The following GRAMD1C variants were observed in gnomAD, a reference collection of about 807,000 sequenced individuals.
GRAMD1C encodes the protein GRAM domain containing 1C, also known as protein Aster-C.
A neutral mutation model predicts 97.8 loss-of-function variants in GRAMD1C; 89 were observed. That is an observed-to-expected ratio of 0.91 (90% CI 0.77 to 1.09). The LOEUF (loss-of-function observed/expected upper bound fraction) is 1.09, where lower values mean the gene tolerates loss of function less well. Among genes scored for constraint, GRAMD1C ranks in the 50% least tolerant of loss-of-function variants. GRAMD1C has a pLI of 0.00. For synonymous variants in GRAMD1C, 256 were observed against 267.0 expected, an observed-to-expected ratio of 0.96 and a Z score of 0.40; for missense variants, 740 against 766.4, an observed-to-expected ratio of 0.97 and a Z score of 0.41.
intron 3 of GRAMD1C, among the ~76,000 whole-genome samples, chr3:113,872,058 T>A (rs1003780997): frequency 6.6e-6 from 1 of 152,156 alleles, no homozygotes; most frequent in South Asian, 2.1e-4. Flanking sequence ...TCAATAAATA[T>A]CATAATGAAT....
intron 5 of GRAMD1C, among the ~76,000 whole-genome samples, chr3:113,880,294 A>G (rs953141653): frequency 2.0e-5 from 3 of 152,140 alleles, no homozygotes; most frequent in Non-Finnish European, 4.4e-5. Flanking sequence ...TCAGTTTGGT[A>G]TATATCTTTT....
At chr3:113,944,251 T>A (rs1287297107) in intron 17 of GRAMD1C, among the ~76,000 whole-genome samples, 1 of 152,196 alleles carries the variant, frequency 6.6e-6, no homozygotes, top group Non-Finnish European at 1.5e-5. Flanking sequence ...AGGGGACTAT[T>A]TAGTTCCCTG....
At chr3:113,867,634 C>G (rs925929417) in intron 2 of GRAMD1C, among the ~76,000 whole-genome samples, 1 of 152,070 alleles carries the variant, frequency 6.6e-6, no homozygotes, top group Non-Finnish European at 1.5e-5. Flanking sequence ...CAGGTCTGTT[C>G]TCTCCATTGT....
At chr3:113,870,645 G>C (rs1461425267) in intron 3 of GRAMD1C, among the ~76,000 whole-genome samples, 1 of 151,966 alleles carries the variant, frequency 6.6e-6, no homozygotes, top group African/African-American at 2.4e-5. Context: ...CAATTACTTT[G>C]ATTTGATCAT....
At chr3:113,934,572 A>G in intron 13 of GRAMD1C, 37 bp downstream of exon 13, 3 of 888,880 alleles carry the variant, frequency 3.4e-6, no homozygotes, top group Non-Finnish European at 5.4e-6. Context: ...TTTTGTAAAG[A>G]TGGGATTTAT....
intron 9 of GRAMD1C, among the ~76,000 whole-genome samples, chr3:113,911,497 C>G (rs537969125): frequency 6.6e-6 from 1 of 151,956 alleles, no homozygotes; most frequent in Admixed American, 6.6e-5. Flanking sequence ...CCTTTAGCCT[C>G]GGCCTTCCAG....
chr3:113,849,303 A>AT (rs1170238787), intron 2 of GRAMD1C, among the ~76,000 whole-genome samples: 22 of 143,344 alleles, frequency 1.5e-4, no homozygotes, highest in Admixed American at 1.1e-3. Flanking sequence ...TTATTTATTT[A>AT]TTTATTTTTT....
rs577627890 is a variant in GRAMD1C at position 113,925,290 on chromosome 3, C to T, written c.1091-5424C>T. 1.9e-3 allele frequency among the ~76,000 whole-genome samples: 286 copies of T among 152,240 alleles called. 2 individuals are homozygous for T. The highest frequency in any genetic ancestry group is 6.6e-3 in the African/African-American group (273 of 41,534). On this transcript the variant is annotated intron_variant, in intron 10 of 17. Transcript: ENST00000358160. ...AGATCACAAGGTCAGGAGATCGAGACCATCCTGGCTAACATGGTGAAAACG... is the reference window on the plus strand; with the variant it reads ...AGATCACAAGGTCAGGAGATCGAGATCATCCTGGCTAACATGGTGAAAACG...
chr3:113,866,698 C>T (rs1360264531), intron 2 of GRAMD1C, among the ~76,000 whole-genome samples: 1 of 152,044 alleles, frequency 6.6e-6, no homozygotes, highest in Admixed American at 6.6e-5. Context: ...TTAGTGATTG[C>T]TCAAGAGAGT....
At chr3:113,927,868 G>T (rs115716192) in intron 10 of GRAMD1C, among the ~76,000 whole-genome samples, 2 of 152,184 alleles carry the variant, frequency 1.3e-5, no homozygotes, top group Non-Finnish European at 2.9e-5. Context: ...AGGCAGGACC[G>T]TGACCGCTAT....
intron 17 of GRAMD1C, among the ~76,000 whole-genome samples, chr3:113,943,927 TA>T (rs1937935451): frequency 6.6e-6 from 1 of 152,020 alleles, no homozygotes; most frequent in Non-Finnish European, 1.5e-5. Flanking sequence ...AAAATAAAAA[TA>T]AATAAAAAAT....
At chr3:113,944,710 G>A (rs1359087933) in intron 17 of GRAMD1C, among the ~76,000 whole-genome samples, 1 of 152,160 alleles carries the variant, frequency 6.6e-6, no homozygotes, top group Non-Finnish European at 1.5e-5. Flanking sequence ...GCTCCATGAA[G>A]GACAGGACAG....
chr3:113,858,760 T>C (rs1159903757), intron 2 of GRAMD1C, among the ~76,000 whole-genome samples: 2 of 152,176 alleles, frequency 1.3e-5, no homozygotes, highest in African/African-American at 4.8e-5. Flanking sequence ...GGTTTTACCA[T>C]GTTGACCAGG....
intron 9 of GRAMD1C, among the ~76,000 whole-genome samples, chr3:113,913,788 G>C (rs1936700163): frequency 6.6e-6 from 1 of 152,156 alleles, no homozygotes; most frequent in Non-Finnish European, 1.5e-5. Context: ...GTAAAATAAT[G>C]AATCTGTGTT....
chr3:113,893,742 C>G (rs193212163), intron 6 of GRAMD1C, among the ~76,000 whole-genome samples: 213 of 152,306 alleles, frequency 1.4e-3, no homozygotes, highest in African/African-American at 4.9e-3. Flanking sequence ...GCTTCCCTTA[C>G]TCTCAAAAGT....
At chr3:113,919,619 G>A in intron 10 of GRAMD1C, 1 of 619,372 alleles carries the variant, frequency 1.6e-6, no homozygotes, top group South Asian at 1.5e-5. Flanking sequence ...TTTTCTTAAA[G>A]TGACAATAGT....
At chr3:113,896,842 T>G (rs1230836031) in intron 6 of GRAMD1C, among the ~76,000 whole-genome samples, 1 of 152,206 alleles carries the variant, frequency 6.6e-6, no homozygotes, top group Non-Finnish European at 1.5e-5. Flanking sequence ...AGGTAGAAAT[T>G]AGGGCAAATT....
rs772233296 is a variant in GRAMD1C at position 113,841,285 on chromosome 3, C to CTTTTTTTTTTTTTTTT, written c.27+2350_27+2365dup. Among the ~76,000 whole-genome samples the CTTTTTTTTTTTTTTTT allele has an allele frequency of 1.1e-3, 102 of 94,330 alleles. 3 individuals carry two copies. The highest frequency in any genetic ancestry group is 1.3e-3 in the Non-Finnish European group (68 of 50,418). The allele number at this position is 94,330 out of a possible 152,430, so 61.9% of individuals were successfully genotyped here. On this transcript the variant is annotated intron_variant, in intron 1 of 17. Coordinates refer to ENST00000358160, the MANE Select transcript of GRAMD1C (RefSeq NM_017577.5). ...TCACAAAGTACTTCTTTCTTTCTTT[C>CTTTTTTTTTTTTTTTT]TTTTTTTTTTTTTTTTGCGAGACAG...
chr3:113,885,205 C>T (rs1433150466), intron 6 of GRAMD1C: 29 of 752,026 alleles, frequency 3.9e-5, no homozygotes, highest in Non-Finnish European at 5.5e-5. Flanking sequence ...TTGGGGCCCC[C>T]GTTCCCCCTC....
Sources: gnomAD v4.1 joint callset for allele counts (sites outside exome capture counted in the v4.1 genomes callset) on GRCh38, gnomAD v4.1.1 for gene constraint, MANE v1.5 for transcripts, NCBI Gene and HGNC (gene_info 2026-07-23, HGNC 2026-07-21) for gene names.